Variants in MGA observed in about 807,000 individuals in gnomAD.
MGA encodes the protein MAX gene-associated protein.
In MGA, 40 loss-of-function variants were observed where a neutral mutation model predicts 261.1. That is an observed-to-expected ratio of 0.15 (90% CI 0.12 to 0.20). MGA has a LOEUF of 0.20. Ranked by LOEUF, MGA falls within the 10% of genes least tolerant of loss-of-function variation. The pLI is 1.00. For synonymous variants in MGA, 1,302 were observed against 1,290.6 expected (o/e 1.01, Z -0.19); for missense variants, 3,397 against 3,630.5 (o/e 0.94, Z 1.65).
intron 19 of MGA, among the ~76,000 whole-genome samples, chr15:41,759,464 A>ATTT (rs67238224): frequency 1.1e-4 from 10 of 94,604 alleles, no homozygotes; most frequent in Admixed American, 2.4e-4. Flanking sequence ...GTGTGTGTGT[A>ATTT]TTTTTTTTTT....
At chr15:41,633,831 C>T (rs2056644712) in intron 1 of MGA, among the ~76,000 whole-genome samples, 1 of 152,158 alleles carries the variant, frequency 6.6e-6, no homozygotes, top group South Asian at 2.1e-4. Flanking sequence ...ACAGTGACTT[C>T]CTATTTCTGG....
intron 2 of MGA, among the ~76,000 whole-genome samples, chr15:41,683,698 C>T (rs1181142242): frequency 6.6e-6 from 1 of 151,554 alleles, no homozygotes; most frequent in Non-Finnish European, 1.5e-5. Context: ...CCCACATCAG[C>T]CCCATAGGTA....
Position 41,669,105 on chromosome 15 carries a change from A to G in MGA, c.211A>G (p.Thr71Ala), listed in dbSNP as rs765350233. The change falls in exon 2 of 24, where the codon ACT (threonine) becomes GCT (alanine). Residue 71 changes from threonine (T) to alanine (A), a missense_variant. By Grantham distance (58) the Thr-to-Ala change is moderately conservative. Around this residue, in one of 9 missense-constraint regions of MGA, gnomAD observed 81 missense variants for 84.3 expected, o/e 0.96. Coordinates refer to ENST00000219905, the MANE Select transcript of MGA (RefSeq NM_001164273.2). ...GAAGATTTGCCTTCCAGCTGATTGT[A>G]CTGTGGGTGGAATCACTGTTACCCT... 1.1e-5 allele frequency: 17 copies of G among 1,611,034 alleles called. No homozygotes were observed. The highest frequency in any genetic ancestry group is 1.3e-5 in the African/African-American group (1 of 74,894).
chr15:41,634,368 T>C (rs2056656230), intron 1 of MGA, among the ~76,000 whole-genome samples: 1 of 152,190 alleles, frequency 6.6e-6, no homozygotes, highest in African/African-American at 2.4e-5. Flanking sequence ...ATGAGGAAAC[T>C]AAAGCCCAGA....
intron 2 of MGA, among the ~76,000 whole-genome samples, chr15:41,681,899 T>C (rs1432542860): frequency 2.6e-5 from 4 of 152,180 alleles, no homozygotes; most frequent in African/African-American, 9.7e-5. Context: ...TATGTACTGG[T>C]GCTTATTCTA....
At chr15:41,739,127 T>G (rs953023948) in intron 13 of MGA, among the ~76,000 whole-genome samples, 1 of 151,916 alleles carries the variant, frequency 6.6e-6, no homozygotes, top group African/African-American at 2.4e-5. Context: ...TTTTCTTTCT[T>G]TAAAAAAAAA....
chr15:41,742,083 TGA>T (rs1255980367), intron 14 of MGA, among the ~76,000 whole-genome samples: 1 of 151,880 alleles, frequency 6.6e-6, no homozygotes, highest in Admixed American at 6.6e-5. Context: ...GTTTGATTTC[TGA>T]GAGTAGAAAT....
chr15:41,660,084 G>A (rs1040664442), upstream of MGA, among the ~76,000 whole-genome samples: 1 of 152,256 alleles, frequency 6.6e-6, no homozygotes, highest in Admixed American at 6.5e-5. Context: ...AGGGTGAAAG[G>A]CACAGTTGAG....
At chr15:41,731,935 G>C (rs2061527297) in intron 11 of MGA, among the ~76,000 whole-genome samples, 1 of 152,158 alleles carries the variant, frequency 6.6e-6, no homozygotes, top group African/African-American at 2.4e-5. Context: ...CATGTGTCAG[G>C]TAGTGTGCCA....
intron 9 of MGA, among the ~76,000 whole-genome samples, chr15:41,720,821 G>C (rs2060898568): frequency 6.6e-6 from 1 of 151,968 alleles, no homozygotes; most frequent in African/African-American, 2.4e-5. Flanking sequence ...GTGAGACTCT[G>C]TCTCAAAATA....
At chr15:41,699,207 TC>T (rs1409401186) in intron 5 of MGA, 48 bp downstream of exon 5, 2 of 1,238,436 alleles carry the variant, frequency 1.6e-6, no homozygotes, top group Non-Finnish European at 2.2e-6. Flanking sequence ...TTTTCTTTCT[TC>T]CCTACTGTTT....
rs540110598 is a variant in MGA, at chr15:41,766,045, A to G, written c.7963A>G (p.Thr2655Ala). 6.2e-7 allele frequency: 1 copy of G among 1,613,170 alleles called. No homozygotes were observed. Among genetic ancestry groups the G allele is most frequent in the African/African-American group, 1.3e-5 (1 of 74,976 alleles). ...TATGATGCCACGAATTGTTAATGTG[A>G]CATCATTGGCCACAGAGGGAGGTTT... The change falls in exon 24 of 24, where the codon ACA becomes GCA. Residue 2655 changes from threonine (T) to alanine (A), a missense_variant. Around this residue, in one of 9 missense-constraint regions of MGA, gnomAD observed 647 missense variants for 642.4 expected, o/e 1.01. Transcript: ENST00000219905.
chr15:41,759,438 ATGTGTGTG>A (rs58952352), intron 19 of MGA, among the ~76,000 whole-genome samples: 5 of 134,786 alleles, frequency 3.7e-5, no homozygotes, highest in South Asian at 2.3e-4. Flanking sequence ...GCTTCTTAAT[ATGTGTGTG>A]TGTGTGTGTG....
chr15:41,710,010 A>T (rs1397265990), intron 7 of MGA, among the ~76,000 whole-genome samples: 1 of 151,816 alleles, frequency 6.6e-6, no homozygotes, highest in Non-Finnish European at 1.5e-5. Flanking sequence ...TATTTTTAGT[A>T]GAGACGGGTT....
In MGA at chr15:41,762,275, G is replaced by C; in HGVS notation, c.7657G>C (p.Ala2553Pro). The stretch of plus-strand genomic sequence containing the variant: ...TAGCAAACAGCAGGAAGGATCTTCT[G>C]CATCATCTGTAGATCTTGGACAGAT... The change falls in exon 22 of 24, where the codon GCA becomes CCA. Residue 2553 changes from alanine to proline, a missense_variant. Physicochemically the swap from Ala to Pro is conservative, Grantham distance 27. Transcript: ENST00000219905. 2.5e-6 allele frequency: 4 copies of C among 1,613,856 alleles called. No homozygotes were observed. The highest frequency in any genetic ancestry group is 3.4e-6 in the Non-Finnish European group (4 of 1,179,846).
At chr15:41,665,996 A>G (rs982734834) in intron 1 of MGA, among the ~76,000 whole-genome samples, 1 of 151,070 alleles carries the variant, frequency 6.6e-6, no homozygotes, top group Non-Finnish European at 1.5e-5. Context: ...GCTCACTGCA[A>G]CCTGAACTTC....
Position 41,768,515 on chromosome 15 carries a change from G to T in MGA, c.*1235G>T, listed in dbSNP as rs2063906556. ...GTTTGTAAATAATCATGGTGCACTT[G>T]AGGGGTCTCTTGGAAACTCCTAGGG... On this transcript the variant is annotated 3_prime_UTR_variant, in exon 24 of 24. Coordinates refer to ENST00000219905, the MANE Select transcript of MGA (RefSeq NM_001164273.2). 7 of 152,608 alleles carry T rather than the reference G, an allele frequency of 4.6e-5. No individual in the cohort carries two copies. In the South Asian group the frequency reaches 1.4e-3, roughly 32 times the overall value. The allele number at this position is 152,608 out of a possible 1,614,324, so 9.5% of individuals were successfully genotyped here. A position where few individuals can be genotyped will look rare whatever the true frequency, so the allele number is the denominator to read the frequency against.
At chr15:41,761,935 A>AG in intron 21 of MGA, 85 bp downstream of exon 21, 1 of 1,155,542 alleles carries the variant, frequency 8.7e-7, no homozygotes, top group Non-Finnish European at 1.2e-6. Flanking sequence ...CAGATACTTA[A>AG]TTGAAAGCTT....
rs576381300 is a variant in MGA, at chr15:41,715,409, A to G, written c.3430+1913A>G. Among the ~76,000 whole-genome samples the G allele has an allele frequency of 5.9e-5, 9 of 152,040 alleles. No homozygotes were observed. In the South Asian group the frequency reaches 6.2e-4, roughly 11 times the overall value. ...ATGATCGGCCCACCTCGGCCTCCCAAAGGGCTTGGTTTCTGTCTTTAAAGT... is the reference window on the plus strand; with the variant it reads ...ATGATCGGCCCACCTCGGCCTCCCAGAGGGCTTGGTTTCTGTCTTTAAAGT... On this transcript the variant is annotated intron_variant, in intron 9 of 23. Coordinates refer to ENST00000219905, the MANE Select transcript of MGA (RefSeq NM_001164273.2).
Sources: allele counts gnomAD v4.1 joint callset (sites outside exome capture counted in the v4.1 genomes callset), GRCh38; gene constraint gnomAD v4.1.1; regional missense constraint gnomAD v4.1.1; transcripts MANE v1.5; gene names NCBI Gene and HGNC (gene_info 2026-07-23, HGNC 2026-07-21).